Variants in COL2A1 observed in about 807,000 individuals in gnomAD.
COL2A1 encodes collagen alpha-1(II) chain.
A neutral mutation model predicts 204.5 loss-of-function variants in COL2A1; 28 were observed. The observed-to-expected ratio is 0.14, with a 90% confidence interval of 0.10 to 0.19. COL2A1 has a LOEUF of 0.19. Ranked by LOEUF, COL2A1 falls within the 10% of genes least tolerant of loss-of-function variation. The pLI, the probability that COL2A1 is intolerant of heterozygous loss-of-function variation, is 1.00. For synonymous variants in COL2A1, 708 were observed against 718.7 expected (o/e 0.99, Z 0.24); for missense variants, 1,388 against 2,027.5 (o/e 0.68, Z 6.06).
chr12:47,978,858 G>A lies in COL2A1; in HGVS notation c.2734-100C>T, dbSNP rs567071955. 2.3e-6 allele frequency: 3 copies of A among 1,284,266 alleles called. No individual in the cohort carries two copies. The highest frequency in any genetic ancestry group is 2.4e-5 in the East Asian group (1 of 41,548). 79.6% of individuals were successfully genotyped at this position (1,284,266 alleles called of 1,614,324 possible). A position where few individuals can be genotyped will look rare whatever the true frequency, so the allele number is the denominator to read the frequency against. On this transcript the variant is annotated intron_variant, in intron 41 of 53. Coordinates refer to ENST00000380518, the MANE Select transcript of COL2A1 (RefSeq NM_001844.5). This position sits in a 1 kb window ranked among gnomAD's most constrained non-coding sequence, Gnocchi z 5.5. ...TCAGTGACAGCAGTTTCCTCTCTGG[G>A]GGCTTCTCTACCTCCCCACACTAAG...
At position 47,976,055 on chromosome 12, in the gene COL2A1, C is replaced by A. The variant is rs760390497; in HGVS notation, c.3505G>T (p.Val1169Phe). The A allele has an allele frequency of 6.2e-7, 1 of 1,613,064 alleles. No homozygotes were observed. Among genetic ancestry groups the A allele is most frequent in the Non-Finnish European group, 8.5e-7 (1 of 1,179,254 alleles). Residue 1169 changes from valine to phenylalanine, a missense_variant, in exon 50 of 54, where the codon GTC becomes TTC. Around this residue, in one of 3 missense-constraint regions of COL2A1, gnomAD observed 884 missense variants for 1,415.8 expected, o/e 0.62. Coordinates refer to ENST00000380518, the MANE Select transcript of COL2A1 (RefSeq NM_001844.5). This position sits in a 1 kb window ranked among gnomAD's most constrained non-coding sequence, Gnocchi z 4.3. ...PSGPRGPPGP[V>F]GPSGKDGANG... Reference sequence around the variant, plus strand: ...GCACCATCTTTGCCAGAGGGACCGACGGGGCCAGGAGGACCCTGCAAGAGA... The same window carrying A: ...GCACCATCTTTGCCAGAGGGACCGAAGGGGCCAGGAGGACCCTGCAAGAGA...
In COL2A1 at chr12:47,981,795, G is replaced by T; in HGVS notation, c.2390C>A (p.Ala797Asp). 6.4e-7 allele frequency: 1 copy of T among 1,554,542 alleles called. No homozygotes were observed. The highest frequency in any genetic ancestry group is 8.7e-7 in the Non-Finnish European group (1 of 1,148,632). ...LTGPIGPPGP[A>D]GANGEKGEVG... is the part of the protein sequence containing the mutation. ...ACTCACCTTCTCGCCATTAGCACCA[G>T]CTGGGCCAGGGGGGCCAATGGGACC... Residue 797 changes from alanine (A) to aspartate (D), a missense_variant, in exon 36 of 54, where the codon GCT (alanine) becomes GAT (aspartate). Physicochemically the swap from Ala to Asp is moderately radical, Grantham distance 126. Around this residue, in one of 3 missense-constraint regions of COL2A1, gnomAD observed 884 missense variants for 1,415.8 expected, o/e 0.62. Coordinates refer to ENST00000380518, the MANE Select transcript of COL2A1 (RefSeq NM_001844.5).
Position 47,980,948 on chromosome 12 carries a change from C to A in COL2A1, c.2484G>T (p.Gly828=). ...RGAPGERGET[G]PPGPAGFAGP... ...CAGCAAATCCCGCTGGTCCGGGGGG[C>A]CCAGTCTCTCCACGTTCACCCTGTG... Residue 828 remains glycine (G), a synonymous_variant, in exon 38 of 54, where the codon GGG becomes GGT. Transcript: ENST00000380518. This position sits in a 1 kb window ranked among gnomAD's most constrained non-coding sequence, Gnocchi z 4.5. The A allele has an allele frequency of 1.3e-6, 2 of 1,552,134 alleles. No individual in the cohort carries two copies. Among genetic ancestry groups the A allele is most frequent in the Non-Finnish European group, 1.7e-6 (2 of 1,147,502 alleles).
Position 47,987,584 on chromosome 12 carries a change from C to A in COL2A1, c.1221+27G>T. The A allele has an allele frequency of 6.3e-7, 1 of 1,589,102 alleles. No homozygotes were observed. Among genetic ancestry groups the A allele is most frequent in the East Asian group, 2.3e-5 (1 of 44,180 alleles). On this transcript the variant is annotated intron_variant, in intron 19 of 53. Coordinates refer to ENST00000380518, the MANE Select transcript of COL2A1 (RefSeq NM_001844.5). This position sits in a 1 kb window ranked among gnomAD's most constrained non-coding sequence, Gnocchi z 4.1. ...TCCAAAGCCACAGACCCCAGACCCC[C>A]CCAGGCCAAAGAGAAGCTGCACTTA...
rs1206315174 is a variant in COL2A1 at position 47,973,970 on chromosome 12, A to G, written c.4317+119T>C. On this transcript the variant is annotated intron_variant, in intron 53 of 53. Coordinates refer to ENST00000380518, the MANE Select transcript of COL2A1 (RefSeq NM_001844.5). ...GCCTATCTTCTCTACATGACCCTCAAACTCATGCCTCTGATGATCCTGTCA... is the reference window on the plus strand; with the variant it reads ...GCCTATCTTCTCTACATGACCCTCAGACTCATGCCTCTGATGATCCTGTCA... 6.2e-6 allele frequency: 9 copies of G among 1,449,220 alleles called. No individual in the cohort carries two copies. In the African/African-American group the frequency reaches 1.3e-4, roughly 20 times the overall value. 89.8% of individuals were successfully genotyped at this position (1,449,220 alleles called of 1,614,324 possible). A position where few individuals can be genotyped will look rare whatever the true frequency, so the allele number is the denominator to read the frequency against.
intron 10 of COL2A1, 39 bp from the exon 11 acceptor site, chr12:47,995,347 T>C (rs1373460499): frequency 1.3e-6 from 2 of 1,551,760 alleles, no homozygotes; most frequent in Admixed American, 1.7e-5. Context: ...ATGGTTATAG[T>C]GGGAAGACAC....
chr12:47,982,402 C>A, intron 34 of COL2A1, 100 bp downstream of exon 34: 1 of 1,038,098 alleles, frequency 9.6e-7, no homozygotes, highest in South Asian at 1.3e-5. Flanking sequence ...CTAACAGAAA[C>A]CTTCATCACC....
intron 2 of COL2A1, chr12:47,998,774 C>T: frequency 3.4e-6 from 1 of 290,572 alleles, no homozygotes; most frequent in Non-Finnish European, 6.4e-6. Context: ...CTCTCTTCCC[C>T]CCACAGGGTA....
In COL2A1 at chr12:47,977,636, A is replaced by G; in HGVS notation, c.3129T>C (p.Asp1043=). The G allele has an allele frequency of 6.2e-7, 1 of 1,614,110 alleles. No individual in the cohort carries two copies. Among genetic ancestry groups the G allele is most frequent in the Non-Finnish European group, 8.5e-7 (1 of 1,179,996 alleles). The stretch of plus-strand genomic sequence containing the variant: ...CAGCGCCATCTCTGCCAGGGGGGCC[A>G]TCAGCACCGGGGCTTCCCTGGACAA... ...EPGREGSPGA[D]GPPGRDGAAG... is the part of the protein sequence containing the mutation. The change falls in exon 45 of 54, where the codon GAT becomes GAC. Residue 1043 remains aspartate (D), a synonymous_variant. Transcript: ENST00000380518.
chr12:47,979,852 G>A (rs1283257813), intron 40 of COL2A1, among the ~76,000 whole-genome samples, 157 bp downstream of exon 40: 6 of 152,240 alleles, frequency 3.9e-5, no homozygotes, highest in South Asian at 2.1e-4. Flanking sequence ...GCCCACAGGC[G>A]CCCTCTCTCC....
Position 48,004,364 on chromosome 12 carries a change from C to CAGCGA in COL2A1, c.-48_-44dup. On this transcript the variant is annotated 5_prime_UTR_variant, in exon 1 of 54. Coordinates refer to ENST00000380518, the MANE Select transcript of COL2A1 (RefSeq NM_001844.5). ...GGCTGAGCCGGGCCCGGGCGGAGCG[C>CAGCGA]AGCGAAACGGCAGGAGCACGGCGCG... The CAGCGA allele has an allele frequency of 7.8e-7, 1 of 1,279,352 alleles. No individual in the cohort carries two copies. The highest frequency in any genetic ancestry group is 1.1e-6 in the Non-Finnish European group (1 of 903,738). 79.3% of individuals were successfully genotyped at this position (1,279,352 alleles called of 1,614,324 possible).
At chr12:47,998,393 A>C in intron 3 of COL2A1, 22 bp downstream of exon 3, 2 of 1,589,126 alleles carry the variant, frequency 1.3e-6, no homozygotes, top group Non-Finnish European at 1.7e-6. Flanking sequence ...ATATGAAAAA[A>C]GAAAAAGAAG....
In COL2A1 at chr12:47,975,561, A is replaced by T. The variant is rs966259355; in HGVS notation, c.3642T>A (p.Pro1214=). The change falls in exon 51 of 54, where the codon CCT becomes CCA. Residue 1214 remains proline (P), a synonymous_variant. Transcript: ENST00000380518. ...NPGPPGPPGP[P]GPGIDMSAFA... ...AGGCGGACATGTCGATGCCAGGGCC[A>T]GGGGGACCTGGAGGACCAGGGGGTC... The T allele has an allele frequency of 6.2e-7, 1 of 1,603,292 alleles. No homozygotes were observed. The highest frequency in any genetic ancestry group is 2.2e-5 in the East Asian group (1 of 44,872).
In COL2A1 at chr12:47,974,236, G is replaced by A. The variant is rs933473190; in HGVS notation, c.4170C>T (p.Thr1390=). 4.3e-6 allele frequency: 7 copies of A among 1,614,152 alleles called. No homozygotes were observed. The highest frequency in any genetic ancestry group is 4.0e-5 in the African/African-American group (3 of 74,958). Residue 1390 remains threonine, a synonymous_variant, in exon 53 of 54, where the codon ACC becomes ACT. Transcript: ENST00000380518. The part of the protein sequence containing the change: ...LLSTEGSQNI[T]YHCKNSIAYL... ...AGGCAATGCTGTTCTTGCAGTGGTA[G>A]GTGATGTTCTGGGAGCCTTCCGTGG...
At chr12:47,979,720 G>C (rs569539047) in intron 40 of COL2A1, among the ~76,000 whole-genome samples, 156 bp from the exon 41 acceptor site, 1 of 152,176 alleles carries the variant, frequency 6.6e-6, no homozygotes, top group South Asian at 2.1e-4. Context: ...AAGGGCCCCC[G>C]GGTCTGGTCA....
chr12:48,002,898 T>C (rs1375708911), intron 1 of COL2A1: 2 of 152,394 alleles, frequency 1.3e-5, no homozygotes, highest in East Asian at 1.9e-4. Flanking sequence ...GCTGCGCTAA[T>C]GACCGGAAAG....
At chr12:47,983,759 A>G in intron 29 of COL2A1, 23 bp from the exon 30 acceptor site, 2 of 1,570,420 alleles carry the variant, frequency 1.3e-6, no homozygotes, top group Non-Finnish European at 1.7e-6. Flanking sequence ...AGAAAAGGTG[A>G]GCTGAGCCAG....
chr12:47,985,488 G>C, intron 26 of COL2A1, 46 bp downstream of exon 26: 1 of 1,592,008 alleles, frequency 6.3e-7, no homozygotes, highest in Non-Finnish European at 8.6e-7. Context: ...TGCTTCCCCA[G>C]GGAGATCCCC....
In COL2A1 at chr12:47,976,638, G is replaced by T; in HGVS notation, c.3436-71C>A. 2 of 1,525,806 alleles carry T rather than the reference G, an allele frequency of 1.3e-6. No individual in the cohort carries two copies. The highest frequency in any genetic ancestry group is 1.1e-5 in the South Asian group (1 of 88,662). 94.5% of individuals were successfully genotyped at this position (1,525,806 alleles called of 1,614,324 possible). On this transcript the variant is annotated intron_variant, in intron 48 of 53. Coordinates refer to ENST00000380518, the MANE Select transcript of COL2A1 (RefSeq NM_001844.5). The surrounding 1 kb of genome is among the most constrained non-coding windows in gnomAD (Gnocchi z 4.3). ...TCTATCTATATTCTGGGAGCTGGGG[G>T]AACAGCTTTATGTCCCAGCCCCATT... is the stretch of plus-strand genomic sequence containing the variant.
Sources: gnomAD v4.1 joint callset for allele counts (sites outside exome capture counted in the v4.1 genomes callset) on GRCh38, gnomAD v4.1.1 for gene constraint, gnomAD v4.1.1 regional missense constraint, Gnocchi (gnomAD v3.1) non-coding constraint, MANE v1.5 for transcripts, NCBI Gene and HGNC (gene_info 2026-07-23, HGNC 2026-07-21) for gene names.